Variants in SH3D21 observed in about 807,000 individuals in gnomAD.
The protein encoded by SH3D21 is SH3 domain-containing protein 21.
Under a neutral mutation model 82.1 loss-of-function variants are expected in SH3D21, and 83 were observed. The observed-to-expected ratio is 1.01, with a 90% CI of 0.85 to 1.21. The LOEUF (loss-of-function observed/expected upper bound fraction) is 1.21, where lower values mean the gene tolerates loss of function less well. Among genes scored for constraint, SH3D21 ranks in the 50% most tolerant of loss-of-function variants. The pLI is 0.00. For synonymous variants in SH3D21, 383 were observed against 387.8 expected (o/e 0.99, Z 0.15); for missense variants, 980 against 962.1 (o/e 1.02, Z -0.25).
chr1:36,313,161 A>G (rs1374331663), intron 10 of SH3D21, among the ~76,000 whole-genome samples: 1 of 152,050 alleles, frequency 6.6e-6, no homozygotes, highest in South Asian at 2.1e-4. Flanking sequence ...CGTCTCTACT[A>G]AAAATACAAA....
chr1:36,315,394 G>A (rs1646324566), intron 10 of SH3D21, among the ~76,000 whole-genome samples: 1 of 152,058 alleles, frequency 6.6e-6, no homozygotes, highest in Non-Finnish European at 1.5e-5. Flanking sequence ...CTGTCTCCCA[G>A]GCTGGAGTGT....
chr1:36,310,628 A>G (rs1241070949), intron 10 of SH3D21, among the ~76,000 whole-genome samples: 2 of 151,634 alleles, frequency 1.3e-5, no homozygotes, highest in Admixed American at 6.6e-5. Context: ...AAAAAAAAAA[A>G]TTAACACCCA....
intron 10 of SH3D21, among the ~76,000 whole-genome samples, chr1:36,316,383 C>T (rs1446091013): frequency 3.3e-5 from 5 of 152,166 alleles, no homozygotes; most frequent in African/African-American, 4.8e-5. Context: ...TACAGGCACG[C>T]GCCACCACGC....
At position 36,311,151 on chromosome 1, in the gene SH3D21, C is replaced by T. The variant is rs140835614; in HGVS notation, c.769+1561C>T. ...CTTGAACTCCTGAGCTCAGGCAATCCGCTTGCCTTGGCCTCCCAAAGTGCT... is the reference window on the plus strand; with the variant it reads ...CTTGAACTCCTGAGCTCAGGCAATCTGCTTGCCTTGGCCTCCCAAAGTGCT... On this transcript the variant is annotated intron_variant, in intron 10 of 15. Transcript: ENST00000453908. Among the ~76,000 whole-genome samples the T allele has an allele frequency of 2.4e-3, 368 of 152,252 alleles. 2 individuals carry two copies. Among genetic ancestry groups the T allele is most frequent in the African/African-American group, 7.7e-3 (319 of 41,548 alleles).
downstream of SH3D21, among the ~76,000 whole-genome samples, chr1:36,326,012 G>A (rs182544430): frequency 6.6e-6 from 1 of 152,290 alleles, no homozygotes; most frequent in East Asian, 1.9e-4. Context: ...ACCTGGGAGT[G>A]GCTCTCACAG....
chr1:36,321,580 G>A (rs1646464543), downstream of SH3D21: 1 of 844,588 alleles, frequency 1.2e-6, no homozygotes, highest in Non-Finnish European at 1.5e-6. The surrounding 1 kb of genome is among the most constrained non-coding windows in gnomAD (Gnocchi z 6.1). Context: ...TCCGCTCAGA[G>A]GGACTCCTGC....
rs1646167020 is a variant in SH3D21, at chr1:36,308,157, C to T, written c.587C>T (p.Ala196Val). Reference protein sequence around the residue: ...YRVLFDYQPEAPDELALRRGD... With the variant: ...YRVLFDYQPEVPDELALRRGD... ...GTCCTGTTTGACTACCAGCCTGAGG[C>T]CCCAGACGAGTTGGCGCTGCGGAGG... The change falls in exon 8 of 16, where the codon GCC (alanine) becomes GTC (valine). Residue 196 changes from alanine to valine, a missense_variant. Physicochemically the swap from Ala to Val is moderately conservative, Grantham distance 64. Coordinates refer to ENST00000453908, the MANE Select transcript of SH3D21 (RefSeq NM_001162530.2). 1 of 1,549,526 alleles carries T rather than the reference C, an allele frequency of 6.5e-7. No individual in the cohort carries two copies. Among genetic ancestry groups the T allele is most frequent in the African/African-American group, 1.4e-5 (1 of 72,942 alleles).
chr1:36,321,373 A>C, downstream of SH3D21: 78 of 1,273,064 alleles, frequency 6.1e-5, no homozygotes, highest in East Asian at 2.9e-4. The surrounding 1 kb of genome is among the most constrained non-coding windows in gnomAD (Gnocchi z 6.1). Flanking sequence ...GGCTATTTTT[A>C]TCCACCGGAT....
At chr1:36,321,491 TC>T, downstream of SH3D21, 1 of 865,930 alleles carries the variant, frequency 1.2e-6, no homozygotes, top group Non-Finnish European at 1.5e-6. The surrounding 1 kb of genome is among the most constrained non-coding windows in gnomAD (Gnocchi z 6.1). Context: ...CGGCCTAGAT[TC>T]CGGAATCCAG....
chr1:36,327,962 T>G, downstream of SH3D21: 1 of 914,148 alleles, frequency 1.1e-6, no homozygotes, highest in South Asian at 1.4e-5. Flanking sequence ...TCTGCACGTG[T>G]GTCACCTGCT....
At chr1:36,314,694 TCCAC>T (rs1419956183) in intron 10 of SH3D21, among the ~76,000 whole-genome samples, 5 of 152,162 alleles carry the variant, frequency 3.3e-5, no homozygotes, top group Admixed American at 3.3e-4. Context: ...GACCTTGTGA[TCCAC>T]CCACCTCGGC....
intron 13 of SH3D21, 27 bp from the exon 14 acceptor site, chr1:36,319,648 C>T (rs748710594): frequency 6.4e-7 from 1 of 1,558,146 alleles, no homozygotes; most frequent in Non-Finnish European, 8.7e-7. Flanking sequence ...TCAACCTCAG[C>T]TGAGACTTCA....
rs748671557 is a variant in SH3D21 at position 36,320,078 on chromosome 1, T to G, written c.1415T>G (p.Met472Arg). 5 of 1,613,910 alleles carry G rather than the reference T, an allele frequency of 3.1e-6. No individual in the cohort carries two copies. Among genetic ancestry groups the G allele is most frequent in the Admixed American group, 3.3e-5 (2 of 60,006 alleles). The change falls in exon 14 of 16, where the codon ATG becomes AGG. Residue 472 changes from methionine to arginine, a missense_variant. By Grantham distance (91) the Met-to-Arg change is moderately conservative. Transcript: ENST00000453908. ...PPMDKVPNPK[M>R]APLGDEAPTL... ...ATGGATAAAGTCCCTAATCCAAAGA[T>G]GGCCCCTCTGGGGGATGAGGCCCCC...
In SH3D21 at chr1:36,320,452, G is replaced by A. The variant is rs138252243; in HGVS notation, c.1789G>A (p.Glu597Lys). The change falls in exon 14 of 16, where the codon GAG (glutamate) becomes AAG (lysine). Residue 597 changes from glutamate to lysine, a missense_variant. Transcript: ENST00000453908. ...TLPEEAPSND[E>K]RTPEEEAPPN... ...TCCAGAGGAGGCACCTTCCAATGACGAGAGGACCCCTGAAGAGGAGGCGCC... is the reference window on the plus strand; with the variant it reads ...TCCAGAGGAGGCACCTTCCAATGACAAGAGGACCCCTGAAGAGGAGGCGCC... 6.8e-6 allele frequency: 11 copies of A among 1,613,294 alleles called. No homozygotes were observed. In the African/African-American group the frequency reaches 1.1e-4, roughly 16 times the overall value.
chr1:36,326,397 A>C (rs540007614), downstream of SH3D21, among the ~76,000 whole-genome samples: 4 of 151,716 alleles, frequency 2.6e-5, no homozygotes, highest in Non-Finnish European at 5.9e-5. Flanking sequence ...ACACCCTGCT[A>C]ATTTTGTATT....
chr1:36,307,450 G>T lies in SH3D21; in HGVS notation c.346-67G>T. On this transcript the variant is annotated intron_variant, in intron 4 of 15. Transcript: ENST00000453908. The surrounding 1 kb of genome is among the most constrained non-coding windows in gnomAD (Gnocchi z 5.4). ...GAAGGGGCGCTTGGGCAGAACCAAG[G>T]GTGGCAGATTATCCTAGGGACTCTT... 6.5e-7 allele frequency: 1 copy of T among 1,528,188 alleles called. No homozygotes were observed. Among genetic ancestry groups the T allele is most frequent in the South Asian group, 1.2e-5 (1 of 82,710 alleles). The allele number at this position is 1,528,188 out of a possible 1,614,324, so 94.7% of individuals were successfully genotyped here. A position where few individuals can be genotyped will look rare whatever the true frequency, so the allele number is the denominator to read the frequency against.
At position 36,307,326 on chromosome 1, in the gene SH3D21, G is replaced by A; in HGVS notation, c.345+41G>A. 1.3e-6 allele frequency: 2 copies of A among 1,548,034 alleles called. No individual in the cohort carries two copies. Among genetic ancestry groups the A allele is most frequent in the South Asian group, 1.2e-5 (1 of 83,910 alleles). On this transcript the variant is annotated intron_variant, in intron 4 of 15. Coordinates refer to ENST00000453908, the MANE Select transcript of SH3D21 (RefSeq NM_001162530.2). This position sits in a 1 kb window ranked among gnomAD's most constrained non-coding sequence, Gnocchi z 5.4. ...ATGGGACCGTTTGGGGGAGGATGAT[G>A]GAACGCGCCTCCCTAGTGAGCGGGG...
At chr1:36,321,706 G>A (rs1028765926), downstream of SH3D21, 29 of 1,015,996 alleles carry the variant, frequency 2.9e-5, no homozygotes, top group Admixed American at 5.1e-5. This position sits in a 1 kb window ranked among gnomAD's most constrained non-coding sequence, Gnocchi z 6.1. Flanking sequence ...CTGAGGCCTG[G>A]TGTGTGTGTC....
At chr1:36,322,873 G>A (rs1646491583), downstream of SH3D21, 4 of 1,539,202 alleles carry the variant, frequency 2.6e-6, no homozygotes, top group Admixed American at 7.1e-5. Context: ...CAAGAGGGCG[G>A]GGAGCGGGGC....
Sources: gnomAD v4.1 joint callset for allele counts (sites outside exome capture counted in the v4.1 genomes callset) on GRCh38, gnomAD v4.1.1 for gene constraint, Gnocchi (gnomAD v3.1) non-coding constraint, MANE v1.5 for transcripts, NCBI Gene and HGNC (gene_info 2026-07-23, HGNC 2026-07-21) for gene names.